Variants in CTNNA2 observed in about 807,000 individuals in gnomAD.
CTNNA2 encodes the protein catenin alpha 2.
CTNNA2 carries 42 observed loss-of-function variants against 101.0 expected under a neutral mutation model. That is an observed-to-expected ratio of 0.42 (90% confidence interval 0.32 to 0.54). The LOEUF is 0.54. Among genes scored for constraint, CTNNA2 ranks in the 20% least tolerant of loss-of-function variants. The pLI, the probability that CTNNA2 is intolerant of heterozygous loss-of-function variation, is 0.14. For synonymous variants in CTNNA2, 450 were observed against 456.4 expected, an observed-to-expected ratio of 0.99 and a Z score of 0.18; for missense variants, 871 against 1,223.1, an observed-to-expected ratio of 0.71 and a Z score of 4.29.
At chr2:79,548,837 A>T (rs1316131573) in intron 1 of CTNNA2, among the ~76,000 whole-genome samples, 2 of 152,066 alleles carry the variant, frequency 1.3e-5, no homozygotes, top group Admixed American at 1.3e-4. Flanking sequence ...GCTCCTCTTT[A>T]CCTGACTTGC....
chr2:80,546,134 G>C (rs899755707), intron 11 of CTNNA2, 71 bp downstream of exon 11: 7 of 1,555,466 alleles, frequency 4.5e-6, no homozygotes, highest in South Asian at 3.6e-5. Context: ...GGAATGTCTC[G>C]CAAATGTCAT....
intron 8 of CTNNA2, among the ~76,000 whole-genome samples, chr2:80,396,482 A>C (rs1007486548): frequency 6.6e-6 from 1 of 152,210 alleles, no homozygotes; most frequent in African/African-American, 2.4e-5. Flanking sequence ...TGGAAACAAT[A>C]GCTCTTGGCT....
intron 7 of CTNNA2, among the ~76,000 whole-genome samples, chr2:80,227,437 C>T (rs970786210): frequency 4.6e-5 from 7 of 152,214 alleles, no homozygotes; most frequent in African/African-American, 1.4e-4. Context: ...CTGACTTCTG[C>T]GTTTAGGGTC....
At chr2:79,690,263 A>G (rs1217350677) in intron 2 of CTNNA2, among the ~76,000 whole-genome samples, 1 of 152,088 alleles carries the variant, frequency 6.6e-6, no homozygotes, top group Non-Finnish European at 1.5e-5. Context: ...CATTAGAAAC[A>G]TGAAAACCAA....
At chr2:80,120,107 G>A (rs976732663) in intron 7 of CTNNA2, among the ~76,000 whole-genome samples, 1 of 152,236 alleles carries the variant, frequency 6.6e-6, no homozygotes, top group East Asian at 1.9e-4. Flanking sequence ...GAACTAGATC[G>A]AAGTTCCTCA....
chr2:79,475,133 T>C (rs1290004254), intron 4 of CTNNA2, among the ~76,000 whole-genome samples: 1 of 152,164 alleles, frequency 6.6e-6, no homozygotes, highest in Non-Finnish European at 1.5e-5. Context: ...TTTTTCTTTT[T>C]TTTGTCCCAG....
chr2:79,739,750 A>G (rs992082346), intron 2 of CTNNA2, among the ~76,000 whole-genome samples: 1 of 152,236 alleles, frequency 6.6e-6, no homozygotes. Flanking sequence ...GATACCTGCA[A>G]TTCCAGCAAT....
chr2:79,456,510 G>C (rs990157342), intron 4 of CTNNA2, among the ~76,000 whole-genome samples: 6 of 152,088 alleles, frequency 3.9e-5, no homozygotes, highest in Non-Finnish European at 5.9e-5. Context: ...CTCATTTGGT[G>C]CTGTATTAAA....
intron 9 of CTNNA2, among the ~76,000 whole-genome samples, chr2:80,509,603 T>C (rs1203694675): frequency 6.6e-6 from 1 of 152,058 alleles, no homozygotes; most frequent in Non-Finnish European, 1.5e-5. Flanking sequence ...TTGGGGTCCG[T>C]GGGTACTTGG....
At chr2:79,563,161 G>GTATATATA (rs71385287) in intron 1 of CTNNA2, among the ~76,000 whole-genome samples, 224 of 78,592 alleles carry the variant, frequency 2.9e-3, no homozygotes, top group Middle Eastern at 0.021. Flanking sequence ...ATAAAGATGT[G>GTATATATA]TATATATATA....
At chr2:79,478,664 A>G (rs564273649) in intron 4 of CTNNA2, among the ~76,000 whole-genome samples, 1 of 152,286 alleles carries the variant, frequency 6.6e-6, no homozygotes, top group South Asian at 2.1e-4. Context: ...GTCTTAGGAG[A>G]TACCCTTTGG....
intron 2 of CTNNA2, among the ~76,000 whole-genome samples, chr2:79,688,167 A>T (rs1243107419): frequency 1.3e-5 from 2 of 152,090 alleles, no homozygotes; most frequent in South Asian, 2.1e-4. Context: ...AATTTTCTAG[A>T]AATATGAAGT....
At chr2:79,786,790 A>T (rs138737746) in intron 3 of CTNNA2, among the ~76,000 whole-genome samples, 1 of 152,228 alleles carries the variant, frequency 6.6e-6, no homozygotes, top group East Asian at 1.9e-4. Flanking sequence ...CCATTGTCTA[A>T]CAAATTTAAT....
chr2:80,320,796 C>T (rs1264577784), intron 7 of CTNNA2, among the ~76,000 whole-genome samples: 5 of 152,096 alleles, frequency 3.3e-5, no homozygotes, highest in Non-Finnish European at 7.4e-5. Flanking sequence ...GTCATTGCAG[C>T]CTAGCAAATT....
At chr2:80,192,308 T>A (rs1706557889) in intron 7 of CTNNA2, among the ~76,000 whole-genome samples, 2 of 152,198 alleles carry the variant, frequency 1.3e-5, no homozygotes, top group African/African-American at 4.8e-5. Flanking sequence ...AATTCAAAGT[T>A]GTTTTCACTC....
intron 2 of CTNNA2, among the ~76,000 whole-genome samples, chr2:79,216,530 A>C (rs1674262510): frequency 6.6e-6 from 1 of 151,448 alleles, no homozygotes; most frequent in South Asian, 2.1e-4. Context: ...GTTGGGGTGC[A>C]GAAATAAGGG....
In CTNNA2 at chr2:79,582,316, G is replaced by A. The variant is rs142936829; in HGVS notation, c.-6+69109G>A. Among the ~76,000 whole-genome samples the A allele has an allele frequency of 5.3e-5, 8 of 152,248 alleles. No homozygotes were observed. The South Asian group carries it at 6.2e-4, about 12-fold the overall frequency. The stretch of plus-strand genomic sequence containing the variant: ...GTTTTAATTTTAAATGTGTTCAAAC[G>A]TACACAAGAGTAGAGAGTTGCTTAT... On this transcript the variant is annotated intron_variant, in intron 1 of 18. Coordinates refer to ENST00000402739, the MANE Select transcript of CTNNA2 (RefSeq NM_001282597.3).
chr2:79,255,141 C>T lies in CTNNA2; in HGVS notation c.-406+57065C>T, dbSNP rs151087373. On this transcript the variant is annotated intron_variant, in intron 2 of 21. Transcript: ENST00000466387. ...CAAATTTTCCTCAAGCTCTTAAGAT[C>T]CCAGGTAATTTTAAGTAGAATTATA... Among the ~76,000 whole-genome samples, 6 of 152,236 alleles carry T rather than the reference C, an allele frequency of 3.9e-5. No individual in the cohort carries two copies. In the East Asian group the frequency reaches 1.2e-3, roughly 29 times the overall value.
intron 4 of CTNNA2, among the ~76,000 whole-genome samples, chr2:79,868,969 G>A (rs948399539): frequency 6.6e-6 from 1 of 152,160 alleles, no homozygotes; most frequent in Admixed American, 6.5e-5. Flanking sequence ...GTTTAATGGT[G>A]TCCACAGATG....
Sources: allele counts gnomAD v4.1 joint callset (sites outside exome capture counted in the v4.1 genomes callset), GRCh38; gene constraint gnomAD v4.1.1; transcripts MANE v1.5; gene names NCBI Gene and HGNC (gene_info 2026-07-23, HGNC 2026-07-21).